RANBP2: variants seen among roughly 807,000 people sequenced by gnomAD.
RANBP2 encodes the protein RAN binding protein 2.
In RANBP2, 57 loss-of-function variants were observed where a neutral mutation model predicts 303.6. The ratio of observed to expected loss-of-function variants is 0.19; its 90% CI spans 0.15 to 0.23. The LOEUF (loss-of-function observed/expected upper bound fraction) is 0.23, where lower values mean the gene tolerates loss of function less well. Ranked by LOEUF, RANBP2 falls within the 10% of genes least tolerant of loss-of-function variation. The probability of loss-of-function intolerance (pLI) is 1.00; values close to 1 mark genes in which losing one functional copy is unlikely to be tolerated. For missense variants in RANBP2, 3,138 were observed against 3,780.8 expected, an observed-to-expected ratio of 0.83 and a Z score of 4.46; for synonymous variants, 1,167 against 1,301.5, an observed-to-expected ratio of 0.90 and a Z score of 2.23.
chr2:108,908,086 G>C, the RANBP2 span: 1 of 1,497,956 alleles, frequency 6.7e-7, no homozygotes, highest in Non-Finnish European at 9.0e-7. Flanking sequence ...AAGTTCTCCT[G>C]TGGTGAACTT....
the RANBP2 span, chr2:108,882,792 G>A: frequency 6.6e-6 from 1 of 152,176 alleles, no homozygotes; most frequent in African/African-American, 2.4e-5. Flanking sequence ...GCACTGAGAG[G>A]TAAGCACCTG....
chr2:109,070,188 A>G, the RANBP2 span, among the ~76,000 whole-genome samples: 1 of 152,294 alleles, frequency 6.6e-6, no homozygotes, highest in South Asian at 2.1e-4. Context: ...GGGGGAACAA[A>G]GACAGGGAGG....
the RANBP2 span, among the ~76,000 whole-genome samples, chr2:108,933,962 AG>A: frequency 6.6e-6 from 1 of 152,194 alleles, no homozygotes; most frequent in Non-Finnish European, 1.5e-5. Flanking sequence ...GGCTCTCAGC[AG>A]GGCTGGAGGC....
chr2:109,368,719 A>G, the RANBP2 span, among the ~76,000 whole-genome samples: 1 of 149,896 alleles, frequency 6.7e-6, no homozygotes, highest in Non-Finnish European at 1.5e-5. Flanking sequence ...AAAAAAAAAA[A>G]AAAAGAAAAA....
At chr2:109,165,625 C>T in the RANBP2 span, among the ~76,000 whole-genome samples, 1 of 152,174 alleles carries the variant, frequency 6.6e-6, no homozygotes, top group Non-Finnish European at 1.5e-5. Flanking sequence ...TGCCTTAGAG[C>T]ACTGTGCTGC....
At chr2:108,789,625 C>CAT (rs1274359115), downstream of RANBP2, among the ~76,000 whole-genome samples, 1 of 152,074 alleles carries the variant, frequency 6.6e-6, no homozygotes. Context: ...AAAAAACTGC[C>CAT]ATACAGGTTT....
chr2:109,318,415 TA>T, the RANBP2 span, among the ~76,000 whole-genome samples: 1 of 152,090 alleles, frequency 6.6e-6, no homozygotes, highest in Non-Finnish European at 1.5e-5. Flanking sequence ...GCCAGAAGAT[TA>T]GGAGGGAATT....
chr2:109,077,654 T>C, the RANBP2 span, among the ~76,000 whole-genome samples: 1 of 150,484 alleles, frequency 6.6e-6, no homozygotes. Context: ...AGGACTTGAA[T>C]AGATAGTTTT....
the RANBP2 span, among the ~76,000 whole-genome samples, chr2:108,950,966 C>T: frequency 6.6e-6 from 1 of 152,332 alleles, no homozygotes; most frequent in African/African-American, 2.4e-5. Context: ...AGTTGGGGGA[C>T]TCAGCTGCAG....
the RANBP2 span, among the ~76,000 whole-genome samples, chr2:109,223,616 C>G: frequency 5.3e-5 from 8 of 152,178 alleles, no homozygotes; most frequent in South Asian, 2.1e-4. Flanking sequence ...ATGCAGACAA[C>G]TGGAGCTCCT....
At chr2:109,217,807 T>C in the RANBP2 span, among the ~76,000 whole-genome samples, 4 of 152,280 alleles carry the variant, frequency 2.6e-5, no homozygotes, top group African/African-American at 9.6e-5. Flanking sequence ...GCTGTGGTGC[T>C]GGGCAGGCTG....
At chr2:109,567,546 C>A in the RANBP2 span, among the ~76,000 whole-genome samples, 1 of 152,116 alleles carries the variant, frequency 6.6e-6, no homozygotes, top group South Asian at 2.1e-4. Flanking sequence ...CATATGGCTG[C>A]ACAAAAGGTA....
At chr2:108,975,822 T>C in the RANBP2 span, among the ~76,000 whole-genome samples, 1 of 152,040 alleles carries the variant, frequency 6.6e-6, no homozygotes, top group Non-Finnish European at 1.5e-5. Flanking sequence ...CTGAACGAGC[T>C]CGAGAAGTCA....
chr2:109,126,015 A>T, the RANBP2 span, among the ~76,000 whole-genome samples: 1 of 152,196 alleles, frequency 6.6e-6, no homozygotes, highest in Non-Finnish European at 1.5e-5. Context: ...AAAAAGCAGC[A>T]CTTCCAACTT....
At chr2:109,713,519 G>A in the RANBP2 span, among the ~76,000 whole-genome samples, 1 of 152,192 alleles carries the variant, frequency 6.6e-6, no homozygotes, top group East Asian at 1.9e-4. Context: ...TCTTCAGCTA[G>A]AAATTGGGAA....
the RANBP2 span, among the ~76,000 whole-genome samples, chr2:109,001,288 A>G: frequency 6.6e-6 from 1 of 152,202 alleles, no homozygotes; most frequent in South Asian, 2.1e-4. Flanking sequence ...CAGCTGAGAA[A>G]GCTCCTCCCA....
chr2:109,048,553 G>A, the RANBP2 span, among the ~76,000 whole-genome samples: 4 of 152,156 alleles, frequency 2.6e-5, no homozygotes, highest in Non-Finnish European at 5.9e-5. Context: ...TAATTGAATT[G>A]CAGGGAGTGC....
At chr2:109,225,680 C>A in the RANBP2 span, among the ~76,000 whole-genome samples, 2 of 152,244 alleles carry the variant, frequency 1.3e-5, no homozygotes, top group Admixed American at 1.3e-4. Flanking sequence ...CTGTAAATAT[C>A]AGGAACAGAG....
the RANBP2 span, among the ~76,000 whole-genome samples, chr2:108,907,295 T>C: frequency 2.6e-5 from 4 of 152,204 alleles, no homozygotes; most frequent in African/African-American, 9.7e-5. Flanking sequence ...TTCCAAGTGA[T>C]TTTACCTTTT....
Sources: allele counts gnomAD v4.1 joint callset (sites outside exome capture counted in the v4.1 genomes callset), GRCh38; gene constraint gnomAD v4.1.1; transcripts MANE v1.5; gene names NCBI Gene and HGNC (gene_info 2026-07-23, HGNC 2026-07-21).